ARHGEF7: variants seen among roughly 807,000 people sequenced by gnomAD.
ARHGEF7 encodes Rho guanine nucleotide exchange factor 7, also known as PAK-interacting exchange factor beta.
In ARHGEF7, 33 loss-of-function variants were observed where a neutral mutation model predicts 109.8. That is an observed-to-expected ratio of 0.30 (90% confidence interval 0.23 to 0.40). The LOEUF (loss-of-function observed/expected upper bound fraction) is 0.40. ARHGEF7 is among the 10% of genes least tolerant of loss of function. ARHGEF7 has a pLI of 1.00. For synonymous variants in ARHGEF7, 458 were observed against 424.6 expected, an observed-to-expected ratio of 1.08 and a Z score of -0.97; for missense variants, 938 against 1,098.5, an observed-to-expected ratio of 0.85 and a Z score of 2.07.
At chr13:111,206,145 G>T (rs1048078424) in intron 3 of ARHGEF7, among the ~76,000 whole-genome samples, 1 of 151,786 alleles carries the variant, frequency 6.6e-6, no homozygotes, top group South Asian at 2.1e-4. Flanking sequence ...TATCAGGTTT[G>T]TGGGGGAAAG....
intron 1 of ARHGEF7, among the ~76,000 whole-genome samples, chr13:111,120,364 C>T (rs547078007): frequency 6.6e-6 from 1 of 152,264 alleles, no homozygotes; most frequent in Non-Finnish European, 1.5e-5. Flanking sequence ...CACAAGCATA[C>T]ACACACGCAT....
chr13:111,203,167 CAAAAT>C (rs1229232488), intron 2 of ARHGEF7: 10 of 1,173,760 alleles, frequency 8.5e-6, no homozygotes, highest in African/African-American at 1.6e-5. Context: ...ACAAAATTGA[CAAAAT>C]AAAAAATGAC....
At chr13:111,156,775 T>C (rs529103463) in intron 2 of ARHGEF7, among the ~76,000 whole-genome samples, 1 of 152,350 alleles carries the variant, frequency 6.6e-6, no homozygotes, top group South Asian at 2.1e-4. Flanking sequence ...CACAAAATTC[T>C]GAAAGGTGGG....
At chr13:111,161,742 AT>A (rs35550441) in intron 2 of ARHGEF7, among the ~76,000 whole-genome samples, 9 of 150,828 alleles carry the variant, frequency 6.0e-5, no homozygotes, top group African/African-American at 1.5e-4. Flanking sequence ...TTTTTTGGTA[AT>A]TTTTTTTTTA....
chr13:111,130,480 A>G (rs1183885232), intron 1 of ARHGEF7, among the ~76,000 whole-genome samples: 1 of 152,244 alleles, frequency 6.6e-6, no homozygotes. Flanking sequence ...GAAAATGTAT[A>G]GAATTTTAAT....
chr13:111,304,876 T>G lies in ARHGEF7; in HGVS notation c.*1763T>G, dbSNP rs2093626619. 6.6e-6 allele frequency: 1 copy of G among 152,198 alleles called. No homozygotes were observed. The highest frequency in any genetic ancestry group is 6.5e-5 in the Admixed American group (1 of 15,286). The allele number at this position is 152,198 out of a possible 1,614,324, so 9.4% of individuals were successfully genotyped here. A position where few individuals can be genotyped will look rare whatever the true frequency, so the allele number is the denominator to read the frequency against. On this transcript the variant is annotated 3_prime_UTR_variant, in exon 22 of 22. Transcript: ENST00000646102. The stretch of plus-strand genomic sequence containing the variant: ...CACTTTCTTTTTTGGTAAGCTTGAG[T>G]TTTACAAGTTATTTTTTGGTGATGC...
At chr13:111,251,796 A>G (rs544996438) in intron 8 of ARHGEF7, among the ~76,000 whole-genome samples, 2 of 152,318 alleles carry the variant, frequency 1.3e-5, no homozygotes, top group South Asian at 2.1e-4. Flanking sequence ...TCATGCCTGC[A>G]TGCATTCATT....
At chr13:111,229,868 G>GC (rs1727155104) in intron 5 of ARHGEF7, among the ~76,000 whole-genome samples, 1 of 152,314 alleles carries the variant, frequency 6.6e-6, no homozygotes, top group Non-Finnish European at 1.5e-5. Context: ...TCTAGGCTGT[G>GC]CCCCCGTCTG....
chr13:111,169,451 G>A (rs1054658941), intron 2 of ARHGEF7, among the ~76,000 whole-genome samples: 2 of 152,052 alleles, frequency 1.3e-5, no homozygotes, highest in African/African-American at 4.8e-5. Context: ...CAAGGGAGTG[G>A]GGAGGTGCCA....
intron 5 of ARHGEF7, among the ~76,000 whole-genome samples, chr13:111,221,499 A>C (rs147594756): frequency 0.15 from 9,437 of 62,676 alleles, 1,509 homozygotes; most frequent in Middle Eastern, 0.21. Flanking sequence ...AGACATATAT[A>C]TATCTATATA....
At chr13:111,120,472 T>TACAC (rs35570792) in intron 1 of ARHGEF7, among the ~76,000 whole-genome samples, 6,021 of 150,686 alleles carry the variant, frequency 0.04, 183 homozygotes, top group Non-Finnish European at 0.063. Flanking sequence ...TGCATGTAAA[T>TACAC]ACACACACAC....
intron 1 of ARHGEF7, among the ~76,000 whole-genome samples, chr13:111,147,690 CTTTTTTTTTTTTTT>C (rs11463808): frequency 3.6e-5 from 3 of 82,348 alleles, no homozygotes; most frequent in Non-Finnish European, 6.6e-5. Context: ...CAGAGGTCAC[CTTTTTTTTTTTTTT>C]TTTTTTTTTT....
At chr13:111,119,485 A>G (rs1219368962) in intron 1 of ARHGEF7, among the ~76,000 whole-genome samples, 1 of 152,208 alleles carries the variant, frequency 6.6e-6, no homozygotes, top group Non-Finnish European at 1.5e-5. Context: ...ATGTAACTCG[A>G]AAGACAAGAA....
intron 18 of ARHGEF7, among the ~76,000 whole-genome samples, chr13:111,290,017 A>G (rs2093209007): frequency 6.6e-6 from 1 of 152,262 alleles, no homozygotes; most frequent in African/African-American, 2.4e-5. Context: ...ATAATCACAC[A>G]ATAACGTCTA....
At position 111,266,719 on chromosome 13, in the gene ARHGEF7, A is replaced by G. The variant is rs2091675119; in HGVS notation, c.951-829A>G. On this transcript the variant is annotated intron_variant, in intron 8 of 21. Coordinates refer to ENST00000646102, the MANE Select transcript of ARHGEF7 (RefSeq NM_001354046.2). The surrounding 1 kb of genome is among the most constrained non-coding windows in gnomAD (Gnocchi z 4.8). ...ACTTTTTCTCTGGCTCCCATTCCCT[A>G]GGTAGGAGGATGTAATCCTTCTGGT... 9.2e-6 allele frequency: 4 copies of G among 433,396 alleles called. No individual in the cohort carries two copies. The highest frequency in any genetic ancestry group is 1.9e-5 in the Non-Finnish European group (4 of 210,182). 26.8% of individuals were successfully genotyped at this position (433,396 alleles called of 1,614,324 possible).
At chr13:111,120,212 G>C (rs919317011) in intron 1 of ARHGEF7, among the ~76,000 whole-genome samples, 5 of 152,202 alleles carry the variant, frequency 3.3e-5, no homozygotes, top group Non-Finnish European at 7.3e-5. Context: ...AAGGTAGCTG[G>C]AACTGCATTT....
At chr13:111,148,954 C>T (rs2075752217) in intron 1 of ARHGEF7, among the ~76,000 whole-genome samples, 1 of 152,142 alleles carries the variant, frequency 6.6e-6, no homozygotes. Flanking sequence ...CTTGCGTTTT[C>T]AAGTATTTAT....
chr13:111,210,123 C>T (rs566490003), intron 4 of ARHGEF7, 121 bp downstream of exon 4: 44 of 1,324,334 alleles, frequency 3.3e-5, no homozygotes, highest in African/African-American at 8.7e-5. Context: ...GGTAGCTGGA[C>T]TTCGCCTCCG....
chr13:111,190,366 G>A (rs1344127969), intron 2 of ARHGEF7, among the ~76,000 whole-genome samples: 8 of 152,196 alleles, frequency 5.3e-5, no homozygotes, highest in East Asian at 3.9e-4. Flanking sequence ...GCAGCATCTC[G>A]TACTATCCCT....
Sources: allele counts gnomAD v4.1 joint callset (sites outside exome capture counted in the v4.1 genomes callset), GRCh38; gene constraint gnomAD v4.1.1; non-coding constraint Gnocchi (gnomAD v3.1); transcripts MANE v1.5; gene names NCBI Gene and HGNC (gene_info 2026-07-23, HGNC 2026-07-21).